LEPR: variants seen among roughly 807,000 people sequenced by gnomAD.
LEPR encodes OB receptor.
In LEPR, 56 loss-of-function variants were observed where a neutral mutation model predicts 114.7. The ratio of observed to expected loss-of-function variants is 0.49; its 90% CI spans 0.39 to 0.61. The LOEUF is 0.61. LEPR is among the 20% of genes least tolerant of loss of function. The pLI is 0.00. For missense variants in LEPR, 1,202 were observed against 1,352.9 expected (o/e 0.89, Z 1.75); for synonymous variants, 443 against 461.4 (o/e 0.96, Z 0.51).
intron 2 of LEPR, chr1:65,427,803 AT>A (rs772450093): frequency 5.8e-5 from 24 of 415,948 alleles, no homozygotes; most frequent in Middle Eastern, 4.4e-4. Context: ...CACCCAGCTG[AT>A]TTTTTTTAGA....
In LEPR at chr1:65,633,224, A is replaced by G. The variant is rs1658594617; in HGVS notation, c.2674-2967A>G. On this transcript the variant is annotated intron_variant, in intron 19 of 19. Coordinates refer to ENST00000349533, the MANE Select transcript of LEPR (RefSeq NM_002303.6). The surrounding 1 kb of genome is among the most constrained non-coding windows in gnomAD (Gnocchi z 4.1). Reference sequence around the variant, plus strand: ...CAATGTGCCAACTTCCCAACAGTCTATAGAGTATTAGAAGATTTTTACATT... The same window carrying G: ...CAATGTGCCAACTTCCCAACAGTCTGTAGAGTATTAGAAGATTTTTACATT... 6.2e-7 allele frequency: 1 copy of G among 1,603,048 alleles called. No homozygotes were observed. The highest frequency in any genetic ancestry group is 8.5e-7 in the Non-Finnish European group (1 of 1,175,620).
At chr1:65,623,297 CT>C (rs2101015574) in intron 19 of LEPR, 8 of 206,312 alleles carry the variant, frequency 3.9e-5, no homozygotes, top group East Asian at 2.4e-4. Context: ...TTTGGATACA[CT>C]TTTTTTGGTA....
At chr1:65,600,991 G>A (rs547808052) in intron 8 of LEPR, among the ~76,000 whole-genome samples, 2 of 151,982 alleles carry the variant, frequency 1.3e-5, no homozygotes, top group East Asian at 3.9e-4. Context: ...ATAGTGATTT[G>A]CTTTAAGAAC....
intron 2 of LEPR, among the ~76,000 whole-genome samples, chr1:65,515,453 A>G (rs1309012131): frequency 1.3e-5 from 2 of 152,246 alleles, no homozygotes; most frequent in African/African-American, 2.4e-5. Context: ...AAGTGTTCAT[A>G]TAACTGTTCT....
At chr1:65,445,725 TTTG>T (rs1646705977) in intron 2 of LEPR, among the ~76,000 whole-genome samples, 1 of 152,106 alleles carries the variant, frequency 6.6e-6, no homozygotes, top group Non-Finnish European at 1.5e-5. Flanking sequence ...AACTTAGAGT[TTTG>T]TTTTTTTTCT....
At chr1:65,434,369 C>A (rs1443662618) in intron 2 of LEPR, 142 of 985,140 alleles carry the variant, frequency 1.4e-4, no homozygotes, top group Non-Finnish European at 1.6e-4. Flanking sequence ...AGCATAGTGA[C>A]TATAGTCGAA....
In LEPR at chr1:65,485,423, G is replaced by C. The variant is rs569018324; in HGVS notation, c.-21+60045G>C. Among the ~76,000 whole-genome samples, 6 of 152,210 alleles carry C rather than the reference G, an allele frequency of 3.9e-5. No homozygotes were observed. In the South Asian group the frequency reaches 1.2e-3, roughly 32 times the overall value. ...AAATGAAATAAAAGGCAAAGATGAG[G>C]GAGCCAGGACCCAAACCCTCTGCCC... is the stretch of plus-strand genomic sequence containing the variant. On this transcript the variant is annotated intron_variant, in intron 2 of 19. Transcript: ENST00000349533.
At chr1:65,532,758 G>A (rs868388433) in intron 2 of LEPR, among the ~76,000 whole-genome samples, 1 of 152,184 alleles carries the variant, frequency 6.6e-6, no homozygotes, top group Non-Finnish European at 1.5e-5. Context: ...TTATTTATAT[G>A]AACTGTCCAG....
chr1:65,610,700 A>G (rs1657111901), intron 14 of LEPR, among the ~76,000 whole-genome samples: 1 of 152,220 alleles, frequency 6.6e-6, no homozygotes, highest in South Asian at 2.1e-4. Flanking sequence ...CATCTAACAC[A>G]TGACAGAGTA....
At chr1:65,551,873 T>A (rs189323593) in intron 2 of LEPR, among the ~76,000 whole-genome samples, 4 of 152,298 alleles carry the variant, frequency 2.6e-5, no homozygotes, top group African/African-American at 9.6e-5. Flanking sequence ...AAACACCGCT[T>A]TATATATGTC....
chr1:65,540,820 A>T (rs1021974583), intron 2 of LEPR, among the ~76,000 whole-genome samples: 1 of 152,012 alleles, frequency 6.6e-6, no homozygotes. Flanking sequence ...GGAGGGAAAG[A>T]TCAGTTTGTT....
chr1:65,541,307 A>G (rs181188622), intron 2 of LEPR, among the ~76,000 whole-genome samples: 1 of 152,356 alleles, frequency 6.6e-6, no homozygotes, highest in Admixed American at 6.5e-5. Context: ...CAATTTATGT[A>G]GAGCTTTTAG....
At chr1:65,535,865 T>C (rs1302600731) in intron 2 of LEPR, among the ~76,000 whole-genome samples, 1 of 152,198 alleles carries the variant, frequency 6.6e-6, no homozygotes, top group Non-Finnish European at 1.5e-5. Flanking sequence ...CATTTATTAA[T>C]ACTTACAATG....
intron 5 of LEPR, among the ~76,000 whole-genome samples, chr1:65,579,568 C>T (rs1343982): frequency 0.3 from 46,133 of 152,000 alleles, 7,879 homozygotes; most frequent in East Asian, 0.83. Flanking sequence ...GCAAAATAGG[C>T]TTTAGCTCAG....
chr1:65,432,810 T>C (rs757356631), intron 2 of LEPR: 2 of 548,584 alleles, frequency 3.6e-6, no homozygotes, highest in Non-Finnish European at 4.6e-6. Context: ...AGTAAATTTC[T>C]AATGTTCTCA....
At chr1:65,440,403 TAAGTC>T (rs1301466643) in intron 2 of LEPR, among the ~76,000 whole-genome samples, 2 of 150,372 alleles carry the variant, frequency 1.3e-5, no homozygotes, top group African/African-American at 4.9e-5. Flanking sequence ...ACTTCACAAA[TAAGTC>T]AAATGGATGG....
chr1:65,591,132 A>G (rs1177970040), intron 5 of LEPR, among the ~76,000 whole-genome samples: 1 of 152,038 alleles, frequency 6.6e-6, no homozygotes, highest in Non-Finnish European at 1.5e-5. Flanking sequence ...TTCAGTTTCC[A>G]ACTATTTAGG....
chr1:65,474,726 G>A (rs1203523625), intron 2 of LEPR, among the ~76,000 whole-genome samples: 1 of 152,156 alleles, frequency 6.6e-6, no homozygotes, highest in Non-Finnish European at 1.5e-5. Context: ...AGCAAGAAAA[G>A]GCCAGGTGCG....
At chr1:65,424,032 G>A (rs1022387002) in intron 1 of LEPR, among the ~76,000 whole-genome samples, 50 of 152,174 alleles carry the variant, frequency 3.3e-4, no homozygotes, top group Non-Finnish European at 1.3e-4. Context: ...ATCAGGTTCA[G>A]AGGATTAGCT....
Sources: gnomAD v4.1 joint callset for allele counts (sites outside exome capture counted in the v4.1 genomes callset) on GRCh38, gnomAD v4.1.1 for gene constraint, Gnocchi (gnomAD v3.1) non-coding constraint, MANE v1.5 for transcripts, NCBI Gene and HGNC (gene_info 2026-07-23, HGNC 2026-07-21) for gene names.